Variants in FTCD observed in about 807,000 individuals in gnomAD.
The protein encoded by FTCD is formimidoyltransferase-cyclodeaminase.
A neutral mutation model predicts 62.9 loss-of-function variants in FTCD; 76 were observed. That is an observed-to-expected ratio of 1.21 (90% CI 1.00 to 1.46). FTCD has a LOEUF of 1.46. FTCD is among the 40% of genes most tolerant of loss of function. The pLI is 0.00. For synonymous variants in FTCD, 397 were observed against 336.9 expected (o/e 1.18, Z -1.95); for missense variants, 845 against 751.3 (o/e 1.12, Z -1.46).
At position 46,150,146 on chromosome 21, in the gene FTCD, G is replaced by A; in HGVS notation, c.879C>T (p.Ile293=). 1.2e-6 allele frequency: 2 copies of A among 1,611,220 alleles called. No individual in the cohort carries two copies. The highest frequency in any genetic ancestry group is 1.7e-5 in the Admixed American group (1 of 59,902). ...GCCTGATCCGCTGCTCCTCCTCCAG[G>A]ATGAAGAGGTTCTCCTTCTCGCAGT... The part of the protein sequence containing the change: ...AFYCEKENLF[I]LEEEQRIRLV... Residue 293 remains isoleucine, a synonymous_variant, in exon 7 of 14, where the codon ATC becomes ATT. Transcript: ENST00000397746.
In FTCD at chr21:46,154,330, C is replaced by T. The variant is rs112823681; in HGVS notation, c.57G>A (p.Val19=). Residue 19 remains valine (V), a splice_region_variant and synonymous_variant, in exon 2 of 14, where the codon GTG becomes GTA. Transcript: ENST00000397746. ...TGATGGCTCCAGAGATGGCGTCGAT[C>T]ACCTGGGACACAGGCCCGGCCCCCA... ...PNFSEGKNQE[V]IDAISGAITQ... 6.2e-7 allele frequency: 1 copy of T among 1,609,282 alleles called. No homozygotes were observed.
chr21:46,140,930 G>T (rs1342449302), intron 10 of FTCD, among the ~76,000 whole-genome samples: 1 of 150,270 alleles, frequency 6.7e-6, no homozygotes, highest in African/African-American at 2.5e-5. Flanking sequence ...ACCTTCACGT[G>T]GCTCACAGGG....
chr21:46,143,710 C>T (rs138428420), intron 10 of FTCD, among the ~76,000 whole-genome samples: 1 of 152,160 alleles, frequency 6.6e-6, no homozygotes, highest in Non-Finnish European at 1.5e-5. Flanking sequence ...GTAAGGCCAG[C>T]GTCTGGGAAG....
chr21:46,144,081 A>G (rs901048047), intron 10 of FTCD, among the ~76,000 whole-genome samples: 1 of 151,912 alleles, frequency 6.6e-6, no homozygotes, highest in Non-Finnish European at 1.5e-5. Flanking sequence ...TCAGCTACCT[A>G]ACAGGGAAGG....
chr21:46,139,185 T>C, intron 10 of FTCD: 1 of 554,762 alleles, frequency 1.8e-6, no homozygotes, highest in South Asian at 2.1e-5. Context: ...GGGCCCTTAT[T>C]CTCAGCTAAA....
At chr21:46,154,391 G>A in intron 1 of FTCD, 59 bp from the exon 2 acceptor site, 1 of 1,547,980 alleles carries the variant, frequency 6.5e-7, no homozygotes, top group South Asian at 1.2e-5. Context: ...AGGAAAAGGA[G>A]CTTGGAGGTG....
At chr21:46,150,607 C>T in intron 5 of FTCD, 82 bp from the exon 6 acceptor site, 2 of 1,413,242 alleles carry the variant, frequency 1.4e-6, no homozygotes, top group African/African-American at 2.8e-5. Context: ...CACTTGCATT[C>T]CCCAGCTGGA....
intron 1 of FTCD, 150 bp from the exon 2 acceptor site, chr21:46,154,482 A>C: frequency 9.9e-7 from 1 of 1,008,504 alleles, no homozygotes; most frequent in Non-Finnish European, 1.5e-6. Context: ...GCTCCCACCG[A>C]AAGTGCCCGC....
In FTCD at chr21:46,155,564, G is replaced by A; in HGVS notation, c.-41C>T. 4 of 1,571,388 alleles carry A rather than the reference G, an allele frequency of 2.5e-6. No individual in the cohort carries two copies. The highest frequency in any genetic ancestry group is 2.6e-6 in the Non-Finnish European group (3 of 1,142,398). ...CCAGATGCTCCTCTCTGGGCAGATG[G>A]AAGGACAGGGCCAGTGCTCCGCAGC... On this transcript the variant is annotated 5_prime_UTR_variant, in exon 1 of 14. Coordinates refer to ENST00000397746, the MANE Select transcript of FTCD (RefSeq NM_206965.2).
intron 5 of FTCD, 81 bp downstream of exon 5, chr21:46,151,477 C>T: frequency 1.5e-6 from 2 of 1,326,608 alleles, no homozygotes; most frequent in Non-Finnish European, 2.1e-6. Context: ...TCCCCACCGA[C>T]CTCCCCGCCT....
At position 46,151,711 on chromosome 21, in the gene FTCD, G is replaced by A. The variant is rs200088595; in HGVS notation, c.483C>T (p.Asp161=). The A allele has an allele frequency of 6.2e-7, 1 of 1,612,970 alleles. No homozygotes were observed. The highest frequency in any genetic ancestry group is 8.5e-7 in the Non-Finnish European group (1 of 1,179,984). ...TGGGGACAAAGGAGCTGGGACCAAA[G>A]TCGGGCGCCCAGTCGGCCTGCTGGA... ...KKLQQADWAP[D]FGPSSFVPSW... Residue 161 remains aspartate (D), a synonymous_variant, in exon 5 of 14, where the codon GAC becomes GAT. Transcript: ENST00000397746.
intron 10 of FTCD, 106 bp downstream of exon 10, chr21:46,145,311 T>A (rs1415785085): frequency 6.4e-6 from 6 of 944,008 alleles, no homozygotes; most frequent in Non-Finnish European, 9.4e-6. Flanking sequence ...CCCCTCCTGG[T>A]CCCCAGCCCC....
chr21:46,145,796 C>T, intron 9 of FTCD, 22 bp downstream of exon 9: 1 of 687,902 alleles, frequency 1.5e-6, no homozygotes, highest in Non-Finnish European at 2.0e-6. Flanking sequence ...TGCGCCTCCC[C>T]TGCCCCTCCC....
chr21:46,148,760 G>A (rs556419538), intron 7 of FTCD, among the ~76,000 whole-genome samples: 8 of 152,362 alleles, frequency 5.3e-5, no homozygotes, highest in African/African-American at 1.9e-4. Context: ...AAGGAAGACA[G>A]GAACAGTTGG....
chr21:46,139,055 G>T, intron 10 of FTCD, 132 bp from the exon 11 acceptor site: 1 of 753,286 alleles, frequency 1.3e-6, no homozygotes. Context: ...CCAAGCTTCT[G>T]TTGGGCCAGT....
At chr21:46,136,572 G>A, downstream of FTCD, 10 of 1,571,456 alleles carry the variant, frequency 6.4e-6, no homozygotes, top group Non-Finnish European at 7.8e-6. Context: ...CTGAACCCCA[G>A]GTCCTCTGAA....
intron 7 of FTCD, chr21:46,146,649 C>T (rs1311424757): frequency 2.0e-6 from 1 of 495,102 alleles, no homozygotes; most frequent in Non-Finnish European, 3.7e-6. Flanking sequence ...GCTTCGCCGC[C>T]CCCCAGCACC....
At position 46,152,480 on chromosome 21, in the gene FTCD, C is replaced by T. The variant is rs1009471246; in HGVS notation, c.367+427G>A. The T allele has an allele frequency of 9.7e-4, 195 of 200,206 alleles. 1 individual carries two copies. Among genetic ancestry groups the T allele is most frequent in the African/African-American group, 1.2e-3 (53 of 42,994 alleles). 12.4% of individuals were successfully genotyped at this position (200,206 alleles called of 1,614,324 possible). On this transcript the variant is annotated intron_variant, in intron 3 of 13. Transcript: ENST00000397746. ...TGACGGGGGTTACGTGTGCCCTGCA[C>T]GCTGGCGTGACTGTGACCTACGTCC...
In FTCD at chr21:46,137,006, A is replaced by G. The variant is rs149266909; in HGVS notation, c.1607T>C (p.Leu536Ser). 1.9e-6 allele frequency: 3 copies of G among 1,613,420 alleles called. No individual in the cohort carries two copies. The highest frequency in any genetic ancestry group is 1.6e-4 in the Middle Eastern group (1 of 6,062). ...KTQAALVLDC[L>S]ETRQE ...GCACCGTCACTCCTGCCGGGTCTCC[A>G]AGCAGTCCAGCACCAGTGCAGCCTG... Residue 536 changes from leucine to serine, a missense_variant, in exon 14 of 14, where the codon TTG (leucine) becomes TCG (serine). Coordinates refer to ENST00000397746, the MANE Select transcript of FTCD (RefSeq NM_206965.2).
Sources: gnomAD v4.1 joint callset for allele counts (sites outside exome capture counted in the v4.1 genomes callset) on GRCh38, gnomAD v4.1.1 for gene constraint, MANE v1.5 for transcripts, NCBI Gene and HGNC (gene_info 2026-07-23, HGNC 2026-07-21) for gene names.